TSHZ1: variants seen among roughly 807,000 people sequenced by gnomAD.
TSHZ1 encodes the protein teashirt homolog 1.
TSHZ1 carries 12 observed loss-of-function variants against 67.1 expected under a neutral mutation model. The observed-to-expected ratio is 0.18, with a 90% CI of 0.11 to 0.29. The LOEUF (loss-of-function observed/expected upper bound fraction) is 0.29, where lower values mean the gene tolerates loss of function less well. TSHZ1 is among the 10% of genes least tolerant of loss of function. TSHZ1 has a pLI of 1.00. For missense variants in TSHZ1, 1,305 were observed against 1,413.9 expected (o/e 0.92, Z 1.23); for synonymous variants, 632 against 622.4 (o/e 1.02, Z -0.23).
At chr18:75,274,420 C>G (rs968828309) in intron 1 of TSHZ1, among the ~76,000 whole-genome samples, 1 of 152,042 alleles carries the variant, frequency 6.6e-6, no homozygotes, top group Admixed American at 6.6e-5. Context: ...TGACTATTTT[C>G]TGTGATTCAG....
At chr18:75,253,213 GC>G (rs2023324928) in intron 1 of TSHZ1, among the ~76,000 whole-genome samples, 1 of 152,154 alleles carries the variant, frequency 6.6e-6, no homozygotes, top group Non-Finnish European at 1.5e-5. Context: ...GTATTGAGAT[GC>G]TGTTGATTTT....
At chr18:75,264,633 C>CT (rs1231960762) in intron 1 of TSHZ1, among the ~76,000 whole-genome samples, 1 of 152,086 alleles carries the variant, frequency 6.6e-6, no homozygotes, top group Non-Finnish European at 1.5e-5. Flanking sequence ...TTGGCAGGGT[C>CT]TCCTGAATCA....
chr18:75,260,316 T>G (rs569732829), intron 1 of TSHZ1, among the ~76,000 whole-genome samples: 69 of 152,256 alleles, frequency 4.5e-4, no homozygotes, highest in Non-Finnish European at 8.2e-4. Flanking sequence ...ATTCAGCCTA[T>G]ACTCTAGGAT....
rs377506826 is a variant in TSHZ1 at position 75,250,164 on chromosome 18, CCT to C, written c.41-35280_41-35279del. Among the ~76,000 whole-genome samples the C allele has an allele frequency of 1.4e-3, 212 of 151,772 alleles. 1 individual carries two copies. The highest frequency in any genetic ancestry group is 4.9e-3 in the African/African-American group (204 of 41,338). On this transcript the variant is annotated intron_variant, in intron 1 of 1. Coordinates refer to ENST00000580243, the MANE Select transcript of TSHZ1 (RefSeq NM_001308210.2). ...AGGTGGGGGGTGACTTCCTCCTCCC[CCT>C]CTCACCCCTCCAGTAGGTGGGGGGG...
At position 75,286,943 on chromosome 18, in the gene TSHZ1, C is replaced by T. The variant is rs138273060; in HGVS notation, c.1536C>T (p.Asp512=). ...PEKEKPPVAG[D]AEKIKEESED... Reference sequence around the variant, plus strand: ...AGGAGAAGCCGCCTGTGGCTGGCGACGCGGAGAAGATCAAGGAGGAGAGTG... The same window carrying T: ...AGGAGAAGCCGCCTGTGGCTGGCGATGCGGAGAAGATCAAGGAGGAGAGTG... Residue 512 remains aspartate (D), a synonymous_variant, in exon 2 of 2, where the codon GAC becomes GAT. Coordinates refer to ENST00000580243, the MANE Select transcript of TSHZ1 (RefSeq NM_001308210.2). This position sits in a 1 kb window ranked among gnomAD's most constrained non-coding sequence, Gnocchi z 5.1. The T allele has an allele frequency of 3.6e-4, 588 of 1,614,116 alleles. 2 individuals carry two copies. The African/African-American group carries it at 6.4e-3, about 18-fold the overall frequency.
chr18:75,287,391 G>A lies in TSHZ1; in HGVS notation c.1984G>A (p.Glu662Lys), dbSNP rs1318377642. 1.9e-6 allele frequency: 3 copies of A among 1,613,908 alleles called. No individual in the cohort carries two copies. Among genetic ancestry groups the A allele is most frequent in the South Asian group, 1.1e-5 (1 of 91,066 alleles). The change falls in exon 2 of 2, where the codon GAG becomes AAG. Residue 662 changes from glutamate (E) to lysine (K), a missense_variant. Physicochemically the swap from Glu to Lys is moderately conservative, Grantham distance 56. This residue lies in a region of TSHZ1 where 909 missense variants were observed against 961.8 expected (regional missense o/e 0.95). Transcript: ENST00000580243. The surrounding 1 kb of genome is among the most constrained non-coding windows in gnomAD (Gnocchi z 5.0). Reference protein sequence around the residue: ...IKKEERPPEKEKSSLAKAASP... With the variant: ...IKKEERPPEKKKSSLAKAASP... ...GAAGGAGGAGAGACCCCCTGAGAAG[G>A]AGAAGAGCTCCCTGGCCAAGGCTGC... is the stretch of plus-strand genomic sequence containing the variant.
At position 75,281,319 on chromosome 18, in the gene TSHZ1, G is replaced by A. The variant is rs749927637; in HGVS notation, c.41-4129G>A. On this transcript the variant is annotated intron_variant, in intron 1 of 1. Coordinates refer to ENST00000580243, the MANE Select transcript of TSHZ1 (RefSeq NM_001308210.2). This position sits in a 1 kb window ranked among gnomAD's most constrained non-coding sequence, Gnocchi z 5.3. Reference sequence around the variant, plus strand: ...CTCTCGTTTGGGGTTATTCGGTAACGTCTGAATCTGGAGATTCAGAAGGAG... The same window carrying A: ...CTCTCGTTTGGGGTTATTCGGTAACATCTGAATCTGGAGATTCAGAAGGAG... Among the ~76,000 whole-genome samples, 40 of 152,212 alleles carry A rather than the reference G, an allele frequency of 2.6e-4. No individual in the cohort carries two copies. Among genetic ancestry groups the A allele is most frequent in the Admixed American group, 4.6e-4 (7 of 15,292 alleles).
chr18:75,215,151 T>G (rs931181290), intron 1 of TSHZ1, among the ~76,000 whole-genome samples: 3 of 152,218 alleles, frequency 2.0e-5, no homozygotes, highest in Admixed American at 6.5e-5. Context: ...ATGGTTATAG[T>G]TGCTGTGACT....
Position 75,222,004 on chromosome 18 carries a change from A to T in TSHZ1, c.40+10088A>T, listed in dbSNP as rs551139959. The stretch of plus-strand genomic sequence containing the variant: ...AACTCTAGAAAGTAATGGGAAATAA[A>T]TATTCTAAGTCAGCCAGGAAGTGAT... On this transcript the variant is annotated intron_variant, in intron 1 of 1. Transcript: ENST00000580243. Among the ~76,000 whole-genome samples, 37 of 152,302 alleles carry T rather than the reference A, an allele frequency of 2.4e-4. 1 individual carries two copies. In the South Asian group the frequency reaches 6.8e-3, roughly 28 times the overall value.
chr18:75,261,435 T>C (rs981062660), intron 1 of TSHZ1, among the ~76,000 whole-genome samples: 11 of 152,188 alleles, frequency 7.2e-5, no homozygotes, highest in Admixed American at 3.3e-4. Flanking sequence ...CTTTGATACA[T>C]GGCCTGACCC....
chr18:75,211,451 A>C lies in TSHZ1; in HGVS notation c.-426A>C, dbSNP rs1234853541. On this transcript the variant is annotated 5_prime_UTR_variant, in exon 1 of 2. Coordinates refer to ENST00000580243, the MANE Select transcript of TSHZ1 (RefSeq NM_001308210.2). ...CTCGGCGACTCTCGGCTCGCGGAAG[A>C]AGGCGCAGGGGAGCGCCCGGAGCGG... 1 of 150,868 alleles carries C rather than the reference A, an allele frequency of 6.6e-6. No homozygotes were observed. Among genetic ancestry groups the C allele is most frequent in the African/African-American group, 2.4e-5 (1 of 41,188 alleles). The allele number at this position is 150,868 out of a possible 1,614,324, so 9.3% of individuals were successfully genotyped here. A position where few individuals can be genotyped will look rare whatever the true frequency, so the allele number is the denominator to read the frequency against.
At position 75,281,975 on chromosome 18, in the gene TSHZ1, C is replaced by T. The variant is rs1407833280; in HGVS notation, c.41-3473C>T. Among the ~76,000 whole-genome samples the T allele has an allele frequency of 1.3e-5, 2 of 152,178 alleles. No individual in the cohort carries two copies. The highest frequency in any genetic ancestry group is 2.4e-5 in the African/African-American group (1 of 41,434). ...TCTTCCCTGGGACATGAGTCCCCGTCCCTAGGGCAGGGACTTTATGGACCC... is the reference window on the plus strand; with the variant it reads ...TCTTCCCTGGGACATGAGTCCCCGTTCCTAGGGCAGGGACTTTATGGACCC... On this transcript the variant is annotated intron_variant, in intron 1 of 1. Transcript: ENST00000580243. The surrounding 1 kb of genome is among the most constrained non-coding windows in gnomAD (Gnocchi z 5.3).
chr18:75,254,241 C>A (rs557395662), intron 1 of TSHZ1, among the ~76,000 whole-genome samples: 44 of 152,310 alleles, frequency 2.9e-4, no homozygotes, highest in Admixed American at 7.8e-4. Flanking sequence ...CTTAGAGCCA[C>A]CCATTTCTTC....
In TSHZ1 at chr18:75,286,125, T is replaced by G. The variant is rs1458648518; in HGVS notation, c.718T>G (p.Phe240Val). ...GAACAACAAGCTCTACGGCTCCGTC[T>G]TCACGGGCGCCAGCAAGTTCCGGTG... The part of the protein sequence containing the change: ...RQNNKLYGSV[F>V]TGASKFRCKD... The change falls in exon 2 of 2, where the codon TTC becomes GTC. Residue 240 changes from phenylalanine to valine, a missense_variant. Around this residue, in one of 3 missense-constraint regions of TSHZ1, gnomAD observed 358 missense variants for 375.6 expected, o/e 0.95. Transcript: ENST00000580243. This position sits in a 1 kb window ranked among gnomAD's most constrained non-coding sequence, Gnocchi z 5.1. 1.2e-6 allele frequency: 2 copies of G among 1,613,162 alleles called. No homozygotes were observed. Among genetic ancestry groups the G allele is most frequent in the Admixed American group, 3.3e-5 (2 of 60,000 alleles).
rs939392546 is a variant in TSHZ1 at position 75,281,932 on chromosome 18, T to C, written c.41-3516T>C. Among the ~76,000 whole-genome samples the C allele has an allele frequency of 6.6e-5, 10 of 152,156 alleles. No individual in the cohort carries two copies. The highest frequency in any genetic ancestry group is 2.6e-4 in the Admixed American group (4 of 15,280). ...CTCACCTACCCGGTCAGAGGCTGCCTGATCACCCTGCTTTGCTTCTTCCCT... is the reference window on the plus strand; with the variant it reads ...CTCACCTACCCGGTCAGAGGCTGCCCGATCACCCTGCTTTGCTTCTTCCCT... On this transcript the variant is annotated intron_variant, in intron 1 of 1. Transcript: ENST00000580243. The surrounding 1 kb of genome is among the most constrained non-coding windows in gnomAD (Gnocchi z 5.3).
rs60144564 is a variant in TSHZ1 at position 75,264,484 on chromosome 18, A to ATT, written c.41-20946_41-20945dup. Among the ~76,000 whole-genome samples the ATT allele has an allele frequency of 7.4e-3, 1,091 of 146,508 alleles. 19 individuals are homozygous for ATT. The highest frequency in any genetic ancestry group is 0.021 in the Middle Eastern group (6 of 282). ...CTCCCAGGAACTATTACACTGACAG[A>ATT]TTTTTTTTTTTTTTTTTTTAAGTGT... On this transcript the variant is annotated intron_variant, in intron 1 of 1. Coordinates refer to ENST00000580243, the MANE Select transcript of TSHZ1 (RefSeq NM_001308210.2).
At chr18:75,255,746 A>G (rs1213075724) in intron 1 of TSHZ1, among the ~76,000 whole-genome samples, 2 of 152,228 alleles carry the variant, frequency 1.3e-5, no homozygotes, top group African/African-American at 4.8e-5. Context: ...GTTAAACACA[A>G]TGGAATTGTT....
chr18:75,249,665 TG>T (rs2023270507), intron 1 of TSHZ1, among the ~76,000 whole-genome samples: 1 of 143,440 alleles, frequency 7.0e-6, no homozygotes. Context: ...ATGCAGTAGG[TG>T]GGGGACGTAT....
intron 1 of TSHZ1, among the ~76,000 whole-genome samples, chr18:75,263,508 C>A (rs2023454273): frequency 6.6e-6 from 1 of 152,156 alleles, no homozygotes; most frequent in South Asian, 2.1e-4. Context: ...ATTCCTAACT[C>A]TTAACATAAT....
Sources: allele counts gnomAD v4.1 joint callset (sites outside exome capture counted in the v4.1 genomes callset), GRCh38; gene constraint gnomAD v4.1.1; regional missense constraint gnomAD v4.1.1; non-coding constraint Gnocchi (gnomAD v3.1); transcripts MANE v1.5; gene names NCBI Gene and HGNC (gene_info 2026-07-23, HGNC 2026-07-21).